Variants in AGBL1 observed in about 807,000 individuals in gnomAD.
AGBL1 encodes the protein cytosolic carboxypeptidase 4.
In AGBL1, 130 loss-of-function variants were observed where a neutral mutation model predicts 118.9. The observed-to-expected ratio is 1.09, with a 90% confidence interval of 0.95 to 1.26. The LOEUF is 1.26. AGBL1 is among the 50% of genes most tolerant of loss of function. The pLI is 0.00. For missense variants in AGBL1, 1,584 were observed against 1,298.1 expected (o/e 1.22, Z -3.38); for synonymous variants, 555 against 478.9 (o/e 1.16, Z -2.08).
chr15:86,893,944 A>G (rs990033865), intron 22 of AGBL1, among the ~76,000 whole-genome samples: 1 of 152,210 alleles, frequency 6.6e-6, no homozygotes, highest in African/African-American at 2.4e-5. Flanking sequence ...AGAGAAGGCA[A>G]ATTCCTGTTT....
intron 24 of AGBL1, among the ~76,000 whole-genome samples, chr15:87,007,841 A>G (rs748878222): frequency 1.3e-5 from 2 of 152,178 alleles, no homozygotes; most frequent in South Asian, 2.1e-4. Context: ...GCTTGTTTCT[A>G]TATTAAATAG....
At chr15:86,447,818 G>T (rs76612606) in intron 18 of AGBL1, among the ~76,000 whole-genome samples, 6,392 of 152,188 alleles carry the variant, frequency 0.042, 194 homozygotes, top group South Asian at 0.097. Context: ...AGTATACCTT[G>T]TAAAAGAACT....
intron 22 of AGBL1, among the ~76,000 whole-genome samples, chr15:86,729,860 A>G (rs1289802077): frequency 2.0e-5 from 3 of 152,202 alleles, no homozygotes; most frequent in Non-Finnish European, 1.5e-5. Flanking sequence ...TGCTTTCCAC[A>G]ATGCCTCAAC....
At chr15:86,637,675 C>A (rs2085119249) in intron 21 of AGBL1, among the ~76,000 whole-genome samples, 1 of 152,046 alleles carries the variant, frequency 6.6e-6, no homozygotes, top group Admixed American at 6.6e-5. Flanking sequence ...AGGACAAAAG[C>A]AATGAGGGTG....
chr15:86,431,294 C>T (rs1401781853), intron 18 of AGBL1, among the ~76,000 whole-genome samples: 1 of 152,126 alleles, frequency 6.6e-6, no homozygotes, highest in Non-Finnish European at 1.5e-5. Context: ...ATTGAATAGC[C>T]CTACTTTCTT....
intron 16 of AGBL1, among the ~76,000 whole-genome samples, chr15:86,286,723 G>GTATATATA (rs1430618299): frequency 1.0e-4 from 8 of 80,046 alleles, no homozygotes; most frequent in African/African-American, 5.2e-4. Flanking sequence ...ATGTGTGTGT[G>GTATATATA]TGTTTGTGTG....
intron 24 of AGBL1, among the ~76,000 whole-genome samples, chr15:86,990,027 G>A (rs886690796): frequency 6.6e-6 from 1 of 152,176 alleles, no homozygotes; most frequent in Non-Finnish European, 1.5e-5. Flanking sequence ...GGTCTTGGGG[G>A]CCATGGCCAG....
chr15:86,843,330 G>A lies in AGBL1; in HGVS notation c.3159-63757G>A, dbSNP rs528488818. Among the ~76,000 whole-genome samples the A allele has an allele frequency of 8.2e-4, 125 of 151,950 alleles. 1 individual carries two copies. The highest frequency in any genetic ancestry group is 2.9e-3 in the African/African-American group (120 of 41,526). On this transcript the variant is annotated intron_variant, in intron 22 of 22. Transcript: ENST00000614907. ...TAGGTTTCATGCAGGCAACACTGAA[G>A]CCAGGACTTTTTTTTTTTCTTTTTT...
chr15:86,443,088 C>T (rs1158710420), intron 18 of AGBL1, among the ~76,000 whole-genome samples: 2 of 152,170 alleles, frequency 1.3e-5, no homozygotes, highest in Non-Finnish European at 2.9e-5. Context: ...TTGTTCTCTT[C>T]TGTTGTTGCC....
At chr15:86,725,242 C>T (rs909499149) in intron 22 of AGBL1, among the ~76,000 whole-genome samples, 3 of 152,162 alleles carry the variant, frequency 2.0e-5, no homozygotes, top group Non-Finnish European at 2.9e-5. Flanking sequence ...CTCATAGGAG[C>T]TCTGGTTCTC....
intron 22 of AGBL1, among the ~76,000 whole-genome samples, chr15:86,803,906 C>T (rs904863345): frequency 2.0e-5 from 3 of 152,044 alleles, no homozygotes; most frequent in Admixed American, 2.0e-4. Context: ...AGGTCAGCCC[C>T]TCGCAATAAA....
chr15:86,171,656 G>T (rs534868705), intron 5 of AGBL1, among the ~76,000 whole-genome samples: 49 of 152,220 alleles, frequency 3.2e-4, no homozygotes, highest in Non-Finnish European at 6.3e-4. Flanking sequence ...CCTGAGTGGA[G>T]TTCCTCTCCA....
At chr15:86,102,752 T>C (rs1367546241) in intron 1 of AGBL1, among the ~76,000 whole-genome samples, 1 of 152,232 alleles carries the variant, frequency 6.6e-6, no homozygotes, top group Non-Finnish European at 1.5e-5. Context: ...CTGACTAAAA[T>C]GTGCTGTGGA....
rs2078952032 is a variant in AGBL1 at position 86,822,261 on chromosome 15, A to G, written c.3159-84826A>G. Among the ~76,000 whole-genome samples, 5 of 152,184 alleles carry G rather than the reference A, an allele frequency of 3.3e-5. No homozygotes were observed. The South Asian group carries it at 1.0e-3, about 32-fold the overall frequency. On this transcript the variant is annotated intron_variant, in intron 22 of 22. Coordinates refer to ENST00000614907, the MANE Select transcript of AGBL1 (RefSeq NM_001386094.1). ...AATGGGTTGTTCTTGATCACACATG[A>G]TAGCCACCACAATGACATACCTCTA...
intron 5 of AGBL1, among the ~76,000 whole-genome samples, chr15:86,176,341 T>C (rs1413099816): frequency 6.6e-6 from 1 of 152,128 alleles, no homozygotes; most frequent in African/African-American, 2.4e-5. Context: ...CCAGGAAGGC[T>C]CCCAGACAGA....
At chr15:86,579,825 A>G (rs2084149218) in intron 21 of AGBL1, among the ~76,000 whole-genome samples, 1 of 152,182 alleles carries the variant, frequency 6.6e-6, no homozygotes, top group Non-Finnish European at 1.5e-5. Context: ...AGGAGGTGCA[A>G]TTGACCGGAC....
At chr15:86,951,114 T>C (rs1362690924) in intron 23 of AGBL1, among the ~76,000 whole-genome samples, 1 of 152,198 alleles carries the variant, frequency 6.6e-6, no homozygotes, top group African/African-American at 2.4e-5. Context: ...CAAGTTATGC[T>C]AGGTTCAAAA....
intron 22 of AGBL1, among the ~76,000 whole-genome samples, chr15:86,826,379 G>A (rs1428675500): frequency 1.3e-5 from 2 of 152,112 alleles, no homozygotes; most frequent in Non-Finnish European, 2.9e-5. Context: ...AATGAAGTCA[G>A]AAGAGTCGGG....
At chr15:86,211,340 A>G (rs999833391) in intron 5 of AGBL1, among the ~76,000 whole-genome samples, 2 of 152,192 alleles carry the variant, frequency 1.3e-5, no homozygotes. Context: ...GAGCTCAAAC[A>G]CTGTTCTGGA....
Sources: allele counts gnomAD v4.1 joint callset (sites outside exome capture counted in the v4.1 genomes callset), GRCh38; gene constraint gnomAD v4.1.1; transcripts MANE v1.5; gene names NCBI Gene and HGNC (gene_info 2026-07-23, HGNC 2026-07-21).